The following ZNF709 variants were observed in gnomAD, a reference collection of about 807,000 sequenced individuals.
The protein encoded by ZNF709 is zinc finger protein 709.
Under a neutral mutation model 10.6 loss-of-function variants are expected in ZNF709, and 15 were observed. That is an observed-to-expected ratio of 1.41 (90% CI 0.95 to 2.18). The LOEUF is 2.18. Ranked by LOEUF, ZNF709 falls within the 30% of genes most tolerant of loss-of-function variation. The pLI is 0.00. For missense variants in ZNF709, 589 were observed against 774.0 expected, an observed-to-expected ratio of 0.76 and a Z score of 2.84; for synonymous variants, 194 against 238.8, an observed-to-expected ratio of 0.81 and a Z score of 1.73.
intron 3 of ZNF709, 69 bp from the exon 4 acceptor site, chr19:12,465,802 G>A: frequency 3.3e-6 from 4 of 1,199,114 alleles, no homozygotes; most frequent in Non-Finnish European, 4.4e-6. Flanking sequence ...TATAATTATT[G>A]ATTATTTCAC....
intron 1 of ZNF709, chr19:12,481,062 G>A (rs1970723011): frequency 1.7e-6 from 1 of 580,758 alleles, no homozygotes; most frequent in South Asian, 7.7e-5. Flanking sequence ...GGGATTACAG[G>A]CATGAGCCAC....
intron 1 of ZNF709, among the ~76,000 whole-genome samples, chr19:12,467,902 G>A (rs1168033104): frequency 6.6e-6 from 1 of 151,604 alleles, no homozygotes; most frequent in African/African-American, 2.4e-5. Context: ...GAGCATCTCC[G>A]CCCGGCAGCC....
chr19:12,482,156 A>ACACACACACACACACAC (rs1555694485), intron 1 of ZNF709, among the ~76,000 whole-genome samples: 2 of 128,368 alleles, frequency 1.6e-5, no homozygotes, highest in African/African-American at 5.7e-5. Context: ...CACACACACA[A>ACACACACACACACACAC]ACACACACAC....
At chr19:12,483,459 T>G (rs1970748668) in intron 1 of ZNF709, among the ~76,000 whole-genome samples, 1 of 152,050 alleles carries the variant, frequency 6.6e-6, no homozygotes, top group Admixed American at 6.6e-5. Context: ...TAGCTTGATA[T>G]TTTATTATTT....
rs1479008159 is a variant in ZNF709 at position 12,461,510 on chromosome 19, T to G, written c.*2486A>C. ...AGACACCCATGTAGTTCTTTTTGAC[T>G]GCACCACTGTAGTTGTCACGGTGGA... On this transcript the variant is annotated 3_prime_UTR_variant, in exon 4 of 4. Coordinates refer to ENST00000397732, the MANE Select transcript of ZNF709 (RefSeq NM_152601.4). 1.3e-5 allele frequency: 2 copies of G among 152,040 alleles called. No homozygotes were observed. Among genetic ancestry groups the G allele is most frequent in the Non-Finnish European group, 2.9e-5 (2 of 68,006 alleles). The allele number at this position is 152,040 out of a possible 1,614,324, so 9.4% of individuals were successfully genotyped here.
rs878920513 is a variant in ZNF709 at position 12,465,527 on chromosome 19, T to A, written c.395A>T (p.Tyr132Phe). 7.4e-6 allele frequency: 12 copies of A among 1,611,620 alleles called. No homozygotes were observed. In the South Asian group the frequency reaches 1.1e-4, roughly 15 times the overall value. Residue 132 changes from tyrosine (Y) to phenylalanine (F), a missense_variant, in exon 4 of 4, where the codon TAT (tyrosine) becomes TTT (phenylalanine). Tyr to Phe is a conservative substitution (Grantham distance 22). This residue lies in a region of ZNF709 where 418 missense variants were observed against 496.3 expected (regional missense o/e 0.84). Transcript: ENST00000397732. ...ATATGATTTCTCTCCATATTTGTGA[T>A]ATTCATATGATCTATGTTCAGTATG... ...RSHTEHRSYE[Y>F]HKYGEKSYEC...
In ZNF709 at chr19:12,465,298, G is replaced by A; in HGVS notation, c.624C>T (p.His208=). 1 of 1,611,340 alleles carries A rather than the reference G, an allele frequency of 6.2e-7. No individual in the cohort carries two copies. The change falls in exon 4 of 4, where the codon CAC becomes CAT. Residue 208 remains histidine, a synonymous_variant. Coordinates refer to ENST00000397732, the MANE Select transcript of ZNF709 (RefSeq NM_152601.4). ...CKECGKAFIY[H]TTFRGHMRMH... is the part of the protein sequence containing the mutation. Reference sequence around the variant, plus strand: ...TTCTCATGTGTCCTCGAAAGGTTGTGTGATAAATGAAGGCCTTCCCACATT... The same window carrying A: ...TTCTCATGTGTCCTCGAAAGGTTGTATGATAAATGAAGGCCTTCCCACATT...
intron 1 of ZNF709, among the ~76,000 whole-genome samples, chr19:12,476,290 G>A (rs575740484): frequency 3.4e-4 from 51 of 152,120 alleles, no homozygotes; most frequent in Non-Finnish European, 6.0e-4. Flanking sequence ...TACTCAGGAG[G>A]CTGAAGTGGG....
At chr19:12,471,426 AAT>A (rs1405553236) in intron 1 of ZNF709, among the ~76,000 whole-genome samples, 1 of 152,230 alleles carries the variant, frequency 6.6e-6, no homozygotes, top group Non-Finnish European at 1.5e-5. Flanking sequence ...AAATTCTTAA[AAT>A]AGACTTATAA....
At chr19:12,472,099 G>C (rs753932647) in intron 1 of ZNF709, among the ~76,000 whole-genome samples, 1 of 152,114 alleles carries the variant, frequency 6.6e-6, no homozygotes, top group Non-Finnish European at 1.5e-5. Flanking sequence ...TGAGGCAGGA[G>C]GATCATATGA....
chr19:12,484,505 G>A (rs1970761027), intron 1 of ZNF709, 150 bp downstream of exon 1: 1 of 1,068,710 alleles, frequency 9.4e-7, no homozygotes, highest in South Asian at 1.6e-5. Flanking sequence ...TGCGGCCAAA[G>A]AGACCGAGGG....
intron 1 of ZNF709, chr19:12,481,292 C>T (rs1970724840): frequency 1.8e-6 from 1 of 543,830 alleles, no homozygotes; most frequent in Non-Finnish European, 2.3e-6. Flanking sequence ...TTGCAGTGCA[C>T]AATCTCGGTT....
At chr19:12,482,219 C>A (rs1429692354) in intron 1 of ZNF709, among the ~76,000 whole-genome samples, 4 of 151,158 alleles carry the variant, frequency 2.6e-5, no homozygotes, top group Admixed American at 6.6e-5. Context: ...TCTCCCTCTC[C>A]CTCTCAAGTC....
At position 12,461,887 on chromosome 19, in the gene ZNF709, A is replaced by C. The variant is rs1270117590; in HGVS notation, c.*2109T>G. On this transcript the variant is annotated 3_prime_UTR_variant, in exon 4 of 4. Coordinates refer to ENST00000397732, the MANE Select transcript of ZNF709 (RefSeq NM_152601.4). The stretch of plus-strand genomic sequence containing the variant: ...TTTGAGACCAGCCTGGCCAACAATG[A>C]TGAAACCCTGTCTCTACTAAAAATA... 6.6e-6 allele frequency: 1 copy of C among 152,096 alleles called. No individual in the cohort carries two copies. Among genetic ancestry groups the C allele is most frequent in the Non-Finnish European group, 1.5e-5 (1 of 68,054 alleles). The allele number at this position is 152,096 out of a possible 1,614,324, so 9.4% of individuals were successfully genotyped here.
At chr19:12,480,558 C>T (rs1433847724) in intron 1 of ZNF709, among the ~76,000 whole-genome samples, 1 of 151,958 alleles carries the variant, frequency 6.6e-6, no homozygotes, top group Non-Finnish European at 1.5e-5. Flanking sequence ...TGGCGAGCGC[C>T]TGTAGTCCCA....
rs774341349 is a variant in ZNF709, at chr19:12,464,677, A to G, written c.1245T>C (p.Thr415=). ...SSFRMHERTH[T]GEKPHECKQC... ...GTTTACATTCATGGGGTTTCTCTCC[A>G]GTGTGAGTTCTTTCATGCATTCGAA... Residue 415 remains threonine, a synonymous_variant, in exon 4 of 4, where the codon ACT becomes ACC. Coordinates refer to ENST00000397732, the MANE Select transcript of ZNF709 (RefSeq NM_152601.4). 1.8e-5 allele frequency: 29 copies of G among 1,612,428 alleles called. No individual in the cohort carries two copies. Among genetic ancestry groups the G allele is most frequent in the Middle Eastern group, 1.6e-4 (1 of 6,070 alleles).
chr19:12,465,819 T>C (rs1194817464), intron 3 of ZNF709, 86 bp from the exon 4 acceptor site: 2 of 1,090,892 alleles, frequency 1.8e-6, no homozygotes, highest in Non-Finnish European at 2.4e-6. Flanking sequence ...TCACAATCAT[T>C]AGTAGGTAGT....
chr19:12,474,887 A>G (rs958034254), intron 1 of ZNF709, among the ~76,000 whole-genome samples: 1 of 152,218 alleles, frequency 6.6e-6, no homozygotes, highest in Non-Finnish European at 1.5e-5. Flanking sequence ...CAACTCTAGT[A>G]TAAAAGCTAA....
At chr19:12,478,184 T>C (rs1390808610) in intron 1 of ZNF709, among the ~76,000 whole-genome samples, 1 of 152,202 alleles carries the variant, frequency 6.6e-6, no homozygotes, top group Non-Finnish European at 1.5e-5. Context: ...TTTTCAAAAA[T>C]GACTGCTCTG....
Sources: gnomAD v4.1 joint callset for allele counts (sites outside exome capture counted in the v4.1 genomes callset) on GRCh38, gnomAD v4.1.1 for gene constraint, gnomAD v4.1.1 regional missense constraint, MANE v1.5 for transcripts, NCBI Gene and HGNC (gene_info 2026-07-23, HGNC 2026-07-21) for gene names.